The following AGO2 variants were observed in gnomAD, a reference collection of about 807,000 sequenced individuals.
AGO2 encodes protein argonaute-2.
AGO2 carries 5 observed loss-of-function variants against 102.3 expected under a neutral mutation model. The ratio of observed to expected loss-of-function variants is 0.05; its 90% CI spans 0.03 to 0.10. The LOEUF (loss-of-function observed/expected upper bound fraction) is 0.10. Among genes scored for constraint, AGO2 ranks in the 10% least tolerant of loss-of-function variants. AGO2 has a pLI of 1.00. For missense variants in AGO2, 541 were observed against 1,183.7 expected, an observed-to-expected ratio of 0.46 and a Z score of 7.97; for synonymous variants, 449 against 473.1, an observed-to-expected ratio of 0.95 and a Z score of 0.66.
intron 1 of AGO2, among the ~76,000 whole-genome samples, chr8:140,620,151 AGGG>A (rs1217634195): frequency 6.6e-6 from 1 of 152,188 alleles, no homozygotes; most frequent in Non-Finnish European, 1.5e-5. Context: ...CAGGAGGAAG[AGGG>A]GCCTTCAGGC....
At chr8:140,587,275 A>AT (rs1157382069) in intron 1 of AGO2, among the ~76,000 whole-genome samples, 1 of 152,240 alleles carries the variant, frequency 6.6e-6, no homozygotes, top group Non-Finnish European at 1.5e-5. Flanking sequence ...AAAACATGCA[A>AT]TTTCCTAAGA....
chr8:140,549,391 A>G (rs1052127976), intron 11 of AGO2, 93 bp from the exon 12 acceptor site: 6 of 1,291,192 alleles, frequency 4.6e-6, no homozygotes, highest in Admixed American at 2.8e-5. Flanking sequence ...TCATTTTTAC[A>G]AAGCCCAAAG....
chr8:140,525,078 C>T lies in AGO2; in HGVS notation c.*6966G>A, dbSNP rs2072479016. 1 of 152,220 alleles carries T rather than the reference C, an allele frequency of 6.6e-6. No homozygotes were observed. Among genetic ancestry groups the T allele is most frequent in the South Asian group, 2.1e-4 (1 of 4,836 alleles). 9.4% of individuals were successfully genotyped at this position (152,220 alleles called of 1,614,324 possible). A position where few individuals can be genotyped will look rare whatever the true frequency, so the allele number is the denominator to read the frequency against. On this transcript the variant is annotated 3_prime_UTR_variant, in exon 19 of 19. Transcript: ENST00000220592. ...TGGGGGCTGAGGTGAGGACTTAACC[C>T]TTTAATCATACCACCCACAGCATTT... is the stretch of plus-strand genomic sequence containing the variant.
chr8:140,634,210 AATGACAT>A (rs1306863346), intron 1 of AGO2, among the ~76,000 whole-genome samples: 1 of 152,244 alleles, frequency 6.6e-6, no homozygotes, highest in Non-Finnish European at 1.5e-5. Context: ...AAGCTTTCTA[AATGACAT>A]CAGAAAAAAG....
Position 140,532,171 on chromosome 8 carries a change from G to C in AGO2, c.2472-19C>G, listed in dbSNP as rs2072608715. ...TTCAGCACTGCAGGGATGAGAGAGA[G>C]AGAGAATGAGAATGTGCAGCCTTAA... On this transcript the variant is annotated intron_variant, in intron 18 of 18. Coordinates refer to ENST00000220592, the MANE Select transcript of AGO2 (RefSeq NM_012154.5). 1.9e-6 allele frequency: 3 copies of C among 1,606,416 alleles called. No homozygotes were observed. Among genetic ancestry groups the C allele is most frequent in the Non-Finnish European group, 2.6e-6 (3 of 1,173,676 alleles).
intron 1 of AGO2, among the ~76,000 whole-genome samples, chr8:140,608,177 T>A (rs971398790): frequency 6.6e-6 from 1 of 152,172 alleles, no homozygotes; most frequent in Non-Finnish European, 1.5e-5. Context: ...TTTTCAGACA[T>A]TAGCATGAGA....
Position 140,595,824 on chromosome 8 carries a change from ATATT to A in AGO2, c.23-10517_23-10514del, listed in dbSNP as rs1181215249. Among the ~76,000 whole-genome samples, 39 of 103,704 alleles carry A rather than the reference ATATT, an allele frequency of 3.8e-4. 2 individuals carry two copies. The highest frequency in any genetic ancestry group is 5.2e-4 in the South Asian group (2 of 3,870). The allele number at this position is 103,704 out of a possible 152,430, so 68.0% of individuals were successfully genotyped here. A position where few individuals can be genotyped will look rare whatever the true frequency, so the allele number is the denominator to read the frequency against. ...ATATACAATTGTATATATTATATTT[ATATT>A]ATATACAATTGTATATATTATATTT... On this transcript the variant is annotated intron_variant, in intron 1 of 18. Coordinates refer to ENST00000220592, the MANE Select transcript of AGO2 (RefSeq NM_012154.5).
chr8:140,594,825 C>G (rs1187288806), intron 1 of AGO2, among the ~76,000 whole-genome samples: 1 of 146,028 alleles, frequency 6.8e-6, no homozygotes, highest in Non-Finnish European at 1.5e-5. Context: ...AAGAAAAAAA[C>G]TGTGTGTGTG....
chr8:140,604,112 C>A (rs1171292555), intron 1 of AGO2, among the ~76,000 whole-genome samples: 1 of 152,230 alleles, frequency 6.6e-6, no homozygotes, highest in Non-Finnish European at 1.5e-5. Flanking sequence ...CCCGGAGGCT[C>A]AGACACAGTA....
intron 2 of AGO2, among the ~76,000 whole-genome samples, chr8:140,582,538 T>C (rs2073573108): frequency 6.6e-6 from 1 of 152,232 alleles, no homozygotes; most frequent in Non-Finnish European, 1.5e-5. Context: ...ACTCAACCTG[T>C]ACAATCAAAT....
rs2072449656 is a variant in AGO2, at chr8:140,523,543, A to G, written c.*8501T>C. ...CTTTTCCTGTATTTAATGAGTAATTAGCCACTTTGCTGCACAGAAACTTAT... is the reference window on the plus strand; with the variant it reads ...CTTTTCCTGTATTTAATGAGTAATTGGCCACTTTGCTGCACAGAAACTTAT... On this transcript the variant is annotated 3_prime_UTR_variant, in exon 19 of 19. Coordinates refer to ENST00000220592, the MANE Select transcript of AGO2 (RefSeq NM_012154.5). The G allele has an allele frequency of 6.6e-6, 1 of 152,358 alleles. No homozygotes were observed. The highest frequency in any genetic ancestry group is 2.1e-4 in the South Asian group (1 of 4,818). 9.4% of individuals were successfully genotyped at this position (152,358 alleles called of 1,614,324 possible). A position where few individuals can be genotyped will look rare whatever the true frequency, so the allele number is the denominator to read the frequency against.
chr8:140,576,863 A>G (rs2132987214), intron 2 of AGO2, among the ~76,000 whole-genome samples: 1 of 152,284 alleles, frequency 6.6e-6, no homozygotes, highest in Middle Eastern at 3.4e-3. Flanking sequence ...ACACCCGCAC[A>G]ATGCAATACT....
intron 1 of AGO2, among the ~76,000 whole-genome samples, chr8:140,630,451 T>A (rs974258376): frequency 6.6e-6 from 1 of 152,118 alleles, no homozygotes; most frequent in African/African-American, 2.4e-5. Flanking sequence ...CAAAGAGTGG[T>A]TTCAAGTTCC....
intron 2 of AGO2, among the ~76,000 whole-genome samples, chr8:140,583,497 C>T (rs2073591327): frequency 1.3e-5 from 2 of 152,168 alleles, no homozygotes; most frequent in South Asian, 4.1e-4. Flanking sequence ...GAGTCTACCA[C>T]ACACCTAGGC....
upstream of AGO2, chr8:140,637,028 T>G (rs1469035412): frequency 4.6e-5 from 7 of 152,260 alleles, no homozygotes; most frequent in Non-Finnish European, 8.8e-5. Context: ...AGTGTCAGAA[T>G]GGTGGATACA....
intron 1 of AGO2, among the ~76,000 whole-genome samples, chr8:140,621,042 C>G (rs568753498): frequency 6.0e-4 from 91 of 152,242 alleles, no homozygotes; most frequent in African/African-American, 2.1e-3. Flanking sequence ...GAATTGTGCC[C>G]ATCCATGCCA....
intron 3 of AGO2, among the ~76,000 whole-genome samples, chr8:140,565,571 G>A (rs2073269978): frequency 1.3e-5 from 2 of 151,732 alleles, no homozygotes; most frequent in East Asian, 1.9e-4. Flanking sequence ...AACCCAGGAG[G>A]TGAAGGTTGC....
Position 140,558,466 on chromosome 8 carries a change from G to A in AGO2, c.878+19C>T. On this transcript the variant is annotated intron_variant, in intron 7 of 18. Coordinates refer to ENST00000220592, the MANE Select transcript of AGO2 (RefSeq NM_012154.5). ...GTGGGGGCCCCAGCCAAGAGAGTCT[G>A]AAAGGAAGGGCGTGTTACGTTTGGT... 3 of 1,613,998 alleles carry A rather than the reference G, an allele frequency of 1.9e-6. No homozygotes were observed. Among genetic ancestry groups the A allele is most frequent in the Middle Eastern group, 1.6e-4 (1 of 6,062 alleles).
intron 2 of AGO2, among the ~76,000 whole-genome samples, chr8:140,577,877 A>G (rs2132990614): frequency 6.6e-6 from 1 of 152,372 alleles, no homozygotes. Flanking sequence ...ACGGTCCTGC[A>G]GGCCCCTGGA....
Sources: gnomAD v4.1 joint callset for allele counts (sites outside exome capture counted in the v4.1 genomes callset) on GRCh38, gnomAD v4.1.1 for gene constraint, MANE v1.5 for transcripts, NCBI Gene and HGNC (gene_info 2026-07-23, HGNC 2026-07-21) for gene names.